Variants in GALNS observed in about 807,000 individuals in gnomAD.
GALNS encodes the protein N-acetylgalactosamine-6-sulfatase.
GALNS carries 65 observed loss-of-function variants against 65.9 expected under a neutral mutation model. The observed-to-expected ratio is 0.99, with a 90% CI of 0.81 to 1.21. GALNS has a LOEUF of 1.21. Among genes scored for constraint, GALNS ranks in the 50% most tolerant of loss-of-function variants. The pLI, the probability that GALNS is intolerant of heterozygous loss-of-function variation, is 0.00. For synonymous variants in GALNS, 346 were observed against 288.9 expected (o/e 1.20, Z -2.00); for missense variants, 776 against 700.7 (o/e 1.11, Z -1.21).
intron 13 of GALNS, chr16:88,815,633 C>T: frequency 1.0e-6 from 1 of 985,486 alleles, no homozygotes; most frequent in Non-Finnish European, 1.2e-6. Flanking sequence ...CACTTCTGTG[C>T]CACGTCAGAC....
intron 1 of GALNS, chr16:88,843,082 G>A (rs1279780931): frequency 7.4e-5 from 111 of 1,501,440 alleles, no homozygotes; most frequent in Non-Finnish European, 9.1e-5. Flanking sequence ...GTCAGCCCAC[G>A]CTGTCTTTCG....
intron 12 of GALNS, among the ~76,000 whole-genome samples, chr16:88,819,852 C>G (rs62048259): frequency 1.5e-3 from 229 of 151,970 alleles, no homozygotes; most frequent in Non-Finnish European, 2.4e-3. Flanking sequence ...CGCCACCACG[C>G]CTGGCTAATT....
chr16:88,814,717 CTGAG>C (rs557823655), intron 13 of GALNS, 192 bp from the exon 14 acceptor site: 22 of 395,388 alleles, frequency 5.6e-5, no homozygotes, highest in Non-Finnish European at 6.2e-5. Flanking sequence ...CCTCAGCCTC[CTGAG>C]TGAGTAGCTG....
chr16:88,855,608 T>C (rs1277007247), intron 1 of GALNS: 5 of 643,432 alleles, frequency 7.8e-6, no homozygotes, highest in South Asian at 1.7e-5. Flanking sequence ...TTATGGGTGG[T>C]GTCTGTTATC....
intron 1 of GALNS, chr16:88,855,209 T>C (rs1967740474): frequency 1.4e-6 from 1 of 693,588 alleles, no homozygotes; most frequent in East Asian, 2.7e-5. Flanking sequence ...AAATTATTCA[T>C]GAGCTGCCCC....
At chr16:88,830,718 G>T (rs558395769) in intron 9 of GALNS, among the ~76,000 whole-genome samples, 6 of 152,330 alleles carry the variant, frequency 3.9e-5, no homozygotes, top group African/African-American at 1.4e-4. Context: ...ACAGCATGAA[G>T]GTGGTCACAC....
chr16:88,839,865 G>A lies in GALNS; in HGVS notation c.422+1127C>T, dbSNP rs149532975. Among the ~76,000 whole-genome samples, 63 of 152,322 alleles carry A rather than the reference G, an allele frequency of 4.1e-4. No homozygotes were observed. In the East Asian group the frequency reaches 9.8e-3, roughly 24 times the overall value. On this transcript the variant is annotated intron_variant, in intron 4 of 13. Transcript: ENST00000268695. ...CACCAATGACCATGCATAGGAGGCC[G>A]CTGGGCCCAAGACAGAGCTGCCAGG...
chr16:88,834,432 CA>C (rs1234847340), intron 8 of GALNS, among the ~76,000 whole-genome samples: 104 of 52,024 alleles, frequency 2.0e-3, no homozygotes, highest in African/African-American at 8.6e-3. Context: ...GGGCCCCCCT[CA>C]GCGTGGTCTG....
intron 10 of GALNS, among the ~76,000 whole-genome samples, chr16:88,825,494 T>C (rs1199396553): frequency 8.0e-6 from 1 of 124,602 alleles, no homozygotes; most frequent in Admixed American, 8.5e-5. Context: ...CGGCCGGGGC[T>C]GGGGTGCCTG....
chr16:88,852,588 G>A (rs1053705651), intron 1 of GALNS, among the ~76,000 whole-genome samples: 60 of 152,296 alleles, frequency 3.9e-4, no homozygotes, highest in African/African-American at 1.3e-3. Context: ...CAACTTCTCC[G>A]AACTAGAGGA....
chr16:88,826,275 G>A (rs1422012723), intron 10 of GALNS, among the ~76,000 whole-genome samples: 1 of 141,440 alleles, frequency 7.1e-6, no homozygotes, highest in Non-Finnish European at 1.5e-5. Context: ...CGGGCTGCAG[G>A]CAGGGAACAG....
intron 1 of GALNS, among the ~76,000 whole-genome samples, chr16:88,847,079 G>C (rs111662686): frequency 6.6e-6 from 1 of 152,176 alleles, no homozygotes; most frequent in Non-Finnish European, 1.5e-5. Flanking sequence ...CCTTCAGGAG[G>C]AACGCAAACA....
intron 2 of GALNS, 31 bp downstream of exon 2, chr16:88,842,675 C>G (rs774633191): frequency 1.9e-6 from 3 of 1,610,116 alleles, no homozygotes; most frequent in Non-Finnish European, 1.7e-6. Context: ...GGGCTCACCC[C>G]TTCCTGGGGG....
In GALNS at chr16:88,841,749, C is replaced by T. The variant is rs2143004981; in HGVS notation, c.319+148G>A. 9.4e-6 allele frequency: 7 copies of T among 741,284 alleles called. No homozygotes were observed. In the South Asian group the frequency reaches 1.1e-4, roughly 11 times the overall value. 45.9% of individuals were successfully genotyped at this position (741,284 alleles called of 1,614,324 possible). On this transcript the variant is annotated intron_variant, in intron 3 of 13. Transcript: ENST00000268695. ...GAAGGAAGCCAGCTAGGGGGGCCTG[C>T]ACTTCCACCTAAGTCCCAGAGACCC...
At chr16:88,832,149 G>A in intron 8 of GALNS, 48 bp from the exon 9 acceptor site, 1 of 1,516,544 alleles carries the variant, frequency 6.6e-7, no homozygotes, top group Non-Finnish European at 9.1e-7. Flanking sequence ...GATGTCCCCA[G>A]GCCCTCCCCC....
chr16:88,846,436 G>C (rs1197878084), intron 1 of GALNS, among the ~76,000 whole-genome samples: 1 of 151,930 alleles, frequency 6.6e-6, no homozygotes. Flanking sequence ...GCAGGTTTCC[G>C]AGGGAGCGAG....
intron 5 of GALNS, among the ~76,000 whole-genome samples, chr16:88,836,483 G>C (rs1349867683): frequency 2.0e-5 from 3 of 152,098 alleles, no homozygotes; most frequent in Non-Finnish European, 4.4e-5. Flanking sequence ...GTGAAACTCT[G>C]TCTCTACTAA....
intron 12 of GALNS, among the ~76,000 whole-genome samples, chr16:88,821,278 G>A (rs1305364538): frequency 6.6e-6 from 1 of 152,134 alleles, no homozygotes; most frequent in Non-Finnish European, 1.5e-5. Context: ...GTGAGCCGAG[G>A]CTGGTGGCGC....
rs1567517083 is a variant in GALNS, at chr16:88,822,633, CA to C, written c.1319del (p.Leu440ArgfsTer55). ...HNLEDHTKLP[L>X]IFHLGRDPGE... ...CTGGGTCCCGTCCCAGGTGGAAGATCAGGGGCAGCTTCGTGTGGTCTTCCAG... is the reference window on the plus strand; with the variant it reads ...CTGGGTCCCGTCCCAGGTGGAAGATCGGGGCAGCTTCGTGTGGTCTTCCAG... On this transcript the variant is annotated frameshift_variant, in exon 12 of 14. Transcript: ENST00000268695. LOFTEE classifies it high-confidence loss of function. 1.2e-6 allele frequency: 2 copies of C among 1,613,106 alleles called. No homozygotes were observed.
Sources: allele counts gnomAD v4.1 joint callset (sites outside exome capture counted in the v4.1 genomes callset), GRCh38; gene constraint gnomAD v4.1.1; transcripts MANE v1.5; gene names NCBI Gene and HGNC (gene_info 2026-07-23, HGNC 2026-07-21).